Variants in TMEM117 observed in about 807,000 individuals in gnomAD.
TMEM117 encodes transmembrane protein 117.
TMEM117 carries 27 observed loss-of-function variants against 52.4 expected under a neutral mutation model. That is an observed-to-expected ratio of 0.51 (90% CI 0.38 to 0.71). The LOEUF (loss-of-function observed/expected upper bound fraction) is 0.71, where lower values mean the gene tolerates loss of function less well. TMEM117 is among the 30% of genes least tolerant of loss of function. The probability of loss-of-function intolerance (pLI) is 0.00; values close to 1 mark genes in which losing one functional copy is unlikely to be tolerated. For missense variants in TMEM117, 556 were observed against 630.5 expected (o/e 0.88, Z 1.26); for synonymous variants, 215 against 206.3 (o/e 1.04, Z -0.36).
intron 4 of TMEM117, among the ~76,000 whole-genome samples, chr12:44,188,737 G>C (rs1234253655): frequency 6.6e-6 from 1 of 151,960 alleles, no homozygotes; most frequent in Admixed American, 6.6e-5. Flanking sequence ...ACTCCCATTT[G>C]TCTTAGCAGG....
At chr12:43,861,540 G>T (rs763876940) in intron 2 of TMEM117, among the ~76,000 whole-genome samples, 6 of 152,188 alleles carry the variant, frequency 3.9e-5, no homozygotes, top group African/African-American at 1.2e-4. Context: ...CAGAGAATTT[G>T]CTTAACAGCT....
intron 2 of TMEM117, among the ~76,000 whole-genome samples, chr12:43,874,195 T>G (rs1943753340): frequency 6.6e-6 from 1 of 152,194 alleles, no homozygotes; most frequent in Admixed American, 6.5e-5. Context: ...CAACAAGACA[T>G]TTAACTTTTG....
intron 2 of TMEM117, among the ~76,000 whole-genome samples, chr12:43,925,426 A>G (rs571097091): frequency 1.3e-5 from 2 of 152,056 alleles, no homozygotes; most frequent in East Asian, 3.9e-4. Flanking sequence ...TCAAACATTT[A>G]TTTCTTATCT....
At chr12:44,120,774 G>A (rs187289999) in intron 3 of TMEM117, among the ~76,000 whole-genome samples, 1 of 152,260 alleles carries the variant, frequency 6.6e-6, no homozygotes, top group Admixed American at 6.5e-5. Context: ...TGGTTTCTGG[G>A]TGTTGGAATA....
rs754713267 is a variant in TMEM117, at chr12:43,905,814, CGTG to C, written c.278-38395_278-38393del. 1.0e-3 allele frequency among the ~76,000 whole-genome samples: 154 copies of C among 152,262 alleles called. 1 individual carries two copies. Among genetic ancestry groups the C allele is most frequent in the Non-Finnish European group, 2.0e-3 (139 of 68,036 alleles). ...TGACATCCTTATTTTCTGTTTCCTC[CGTG>C]TTGTGATCCTGTGCTCCCAAATCCC... On this transcript the variant is annotated intron_variant, in intron 2 of 7. Transcript: ENST00000266534.
intron 5 of TMEM117, among the ~76,000 whole-genome samples, chr12:44,276,778 A>G (rs939074622): frequency 6.6e-6 from 1 of 151,782 alleles, no homozygotes; most frequent in Non-Finnish European, 1.5e-5. Flanking sequence ...TATCAATCTA[A>G]AAGCTAATAA....
intron 6 of TMEM117, among the ~76,000 whole-genome samples, chr12:44,357,307 G>A (rs185449302): frequency 7.0e-4 from 107 of 152,200 alleles, no homozygotes; most frequent in African/African-American, 2.4e-3. Context: ...CTATCTTGAT[G>A]TCTGTGTCCC....
chr12:43,958,102 A>G (rs1320718287), intron 3 of TMEM117, among the ~76,000 whole-genome samples: 1 of 152,240 alleles, frequency 6.6e-6, no homozygotes, highest in Admixed American at 6.5e-5. Context: ...TTTAATAAGC[A>G]CTTGTTATTT....
chr12:44,204,182 A>G (rs1949534087), intron 4 of TMEM117, among the ~76,000 whole-genome samples: 2 of 152,164 alleles, frequency 1.3e-5, no homozygotes, highest in Non-Finnish European at 2.9e-5. Context: ...AGAAAACCCT[A>G]AAAGGCTCCT....
At chr12:44,012,041 C>G (rs541239899) in intron 3 of TMEM117, among the ~76,000 whole-genome samples, 482 of 152,226 alleles carry the variant, frequency 3.2e-3, no homozygotes, top group Middle Eastern at 0.017. Context: ...TATTTTCAGA[C>G]CACTGTTGAC....
At chr12:43,877,890 AACACACACACACAC>A (rs369405497) in intron 2 of TMEM117, among the ~76,000 whole-genome samples, 4 of 142,994 alleles carry the variant, frequency 2.8e-5, no homozygotes, top group African/African-American at 5.2e-5. Flanking sequence ...GTAAAAACAA[AACACACACACACAC>A]ACACACACAC....
intron 3 of TMEM117, among the ~76,000 whole-genome samples, chr12:44,012,710 T>C (rs1946313543): frequency 6.6e-6 from 1 of 152,196 alleles, no homozygotes; most frequent in African/African-American, 2.4e-5. Flanking sequence ...CATCTGTTCT[T>C]GCAAGTTATT....
At chr12:43,993,192 C>G (rs1295035869) in intron 3 of TMEM117, among the ~76,000 whole-genome samples, 3 of 152,164 alleles carry the variant, frequency 2.0e-5, no homozygotes, top group Non-Finnish European at 4.4e-5. Context: ...AAACTGTAGT[C>G]TTTGTGCCAG....
intron 6 of TMEM117, among the ~76,000 whole-genome samples, chr12:44,376,138 A>G (rs1951937348): frequency 6.6e-6 from 1 of 152,226 alleles, no homozygotes; most frequent in Non-Finnish European, 1.5e-5. Flanking sequence ...ATACAAATCA[A>G]AGAACTTGGT....
intron 6 of TMEM117, among the ~76,000 whole-genome samples, chr12:44,325,917 C>G (rs1432066493): frequency 6.6e-6 from 1 of 152,178 alleles, no homozygotes; most frequent in African/African-American, 2.4e-5. Flanking sequence ...TTCCAGCACT[C>G]TGGGTGTCCA....
intron 3 of TMEM117, among the ~76,000 whole-genome samples, chr12:44,106,889 A>T (rs1947964798): frequency 1.3e-5 from 2 of 152,026 alleles, no homozygotes; most frequent in Non-Finnish European, 2.9e-5. Context: ...TATATTTCCT[A>T]TGTAAAACAG....
chr12:44,254,664 A>AT (rs1434875291), intron 5 of TMEM117, among the ~76,000 whole-genome samples: 8 of 149,340 alleles, frequency 5.4e-5, no homozygotes, highest in African/African-American at 2.0e-4. Context: ...ATATATATAT[A>AT]TTTTTTATTA....
At chr12:44,107,473 T>G (rs932071925) in intron 3 of TMEM117, among the ~76,000 whole-genome samples, 1 of 152,198 alleles carries the variant, frequency 6.6e-6, no homozygotes, top group Admixed American at 6.5e-5. Flanking sequence ...TGCACAGTGG[T>G]TTAAGAGCAT....
intron 3 of TMEM117, among the ~76,000 whole-genome samples, chr12:44,034,041 A>G (rs558193236): frequency 6.6e-6 from 1 of 152,268 alleles, no homozygotes; most frequent in South Asian, 2.1e-4. Context: ...GTATCCATTT[A>G]CTCTTGATAC....
Sources: allele counts gnomAD v4.1 joint callset (sites outside exome capture counted in the v4.1 genomes callset), GRCh38; gene constraint gnomAD v4.1.1; transcripts MANE v1.5; gene names NCBI Gene and HGNC (gene_info 2026-07-23, HGNC 2026-07-21).